Variants in VAPB observed in about 807,000 individuals in gnomAD.
VAPB encodes VAMP associated protein B and C.
A neutral mutation model predicts 25.6 loss-of-function variants in VAPB; 7 were observed. The ratio of observed to expected loss-of-function variants is 0.27; its 90% confidence interval spans 0.16 to 0.51. The LOEUF (loss-of-function observed/expected upper bound fraction) is 0.51. Ranked by LOEUF, VAPB falls within the 20% of genes least tolerant of loss-of-function variation. VAPB has a pLI of 0.97. For synonymous variants in VAPB, 112 were observed against 109.2 expected, an observed-to-expected ratio of 1.03 and a Z score of -0.16; for missense variants, 266 against 301.3, an observed-to-expected ratio of 0.88 and a Z score of 0.87.
chr20:58,390,390 T>G (rs1436364861), intron 1 of VAPB: 1 of 151,980 alleles, frequency 6.6e-6, no homozygotes, highest in Non-Finnish European at 1.5e-5. Flanking sequence ...TTTTTTTTTT[T>G]TTTTTCCTAC....
rs147041050 is a variant in VAPB at position 58,429,833 on chromosome 20, C to T, written c.212-4769C>T. 2.1e-4 allele frequency among the ~76,000 whole-genome samples: 32 copies of T among 152,146 alleles called. No homozygotes were observed. In the East Asian group the frequency reaches 5.8e-3, roughly 28 times the overall value. On this transcript the variant is annotated intron_variant, in intron 2 of 5. Transcript: ENST00000475243. The stretch of plus-strand genomic sequence containing the variant: ...TTGACTTATTTAACTATATTTTTAC[C>T]TCCTGGAGGGCCTGTGAGACCATTT...
chr20:58,418,230 C>A lies in VAPB; in HGVS notation c.78C>A (p.Val26=). ...LKFRGPFTDV[V]TTNLKLGNPT... ...CTACAGGTCCCTTCACCGATGTTGT[C>A]ACCACCAACCTAAAGCTTGGCAACC... Residue 26 remains valine (V), a synonymous_variant, in exon 2 of 6, where the codon GTC becomes GTA. Coordinates refer to ENST00000475243, the MANE Select transcript of VAPB (RefSeq NM_004738.5). 1 of 1,614,162 alleles carries A rather than the reference C, an allele frequency of 6.2e-7. No individual in the cohort carries two copies. Among genetic ancestry groups the A allele is most frequent in the Non-Finnish European group, 8.5e-7 (1 of 1,180,030 alleles).
chr20:58,406,597 C>G (rs1030447600), intron 1 of VAPB, among the ~76,000 whole-genome samples: 1 of 152,270 alleles, frequency 6.6e-6, no homozygotes, highest in South Asian at 2.1e-4. Context: ...TGTTCTTCTC[C>G]CCTGTTCTGT....
chr20:58,437,395 C>A (rs961945530), intron 3 of VAPB, among the ~76,000 whole-genome samples: 4 of 152,016 alleles, frequency 2.6e-5, no homozygotes, highest in African/African-American at 9.7e-5. Flanking sequence ...CAAGAATATT[C>A]CATAGTTGGT....
At chr20:58,408,890 A>ACCCCCCC (rs60297703) in intron 1 of VAPB, among the ~76,000 whole-genome samples, 3 of 91,912 alleles carry the variant, frequency 3.3e-5, no homozygotes, top group Admixed American at 1.3e-4. Flanking sequence ...TAGGACAGAC[A>ACCCCCCC]CCCCCCCCCC....
intron 1 of VAPB, among the ~76,000 whole-genome samples, chr20:58,405,524 G>A (rs908466353): frequency 2.6e-5 from 4 of 151,850 alleles, no homozygotes; most frequent in Non-Finnish European, 4.4e-5. Context: ...GTGTAGTGGC[G>A]CGATCTCGGT....
chr20:58,391,390 AAG>A (rs112321633), intron 1 of VAPB, among the ~76,000 whole-genome samples: 15,445 of 152,088 alleles, frequency 0.1, 943 homozygotes, highest in East Asian at 0.26. Flanking sequence ...CAACTCCTGA[AAG>A]AGGTGTCATT....
rs1467932287 is a variant in VAPB, at chr20:58,450,154, T to C, written c.*5919T>C. On this transcript the variant is annotated 3_prime_UTR_variant, in exon 6 of 6. Coordinates refer to ENST00000475243, the MANE Select transcript of VAPB (RefSeq NM_004738.5). ...AACTGGCTGCCTGCATTCCCGTCTTTCTTTTGTTTTTAAGAAATAGACTGA... is the reference window on the plus strand; with the variant it reads ...AACTGGCTGCCTGCATTCCCGTCTTCCTTTTGTTTTTAAGAAATAGACTGA... The C allele has an allele frequency of 2.2e-6, 1 of 453,966 alleles. No homozygotes were observed. Among genetic ancestry groups the C allele is most frequent in the East Asian group, 6.9e-5 (1 of 14,402 alleles). The allele number at this position is 453,966 out of a possible 1,614,324, so 28.1% of individuals were successfully genotyped here. A position where few individuals can be genotyped will look rare whatever the true frequency, so the allele number is the denominator to read the frequency against.
rs768552709 is a variant in VAPB, at chr20:58,444,451, T to C, written c.*216T>C. The C allele has an allele frequency of 1.4e-5, 10 of 704,572 alleles. No individual in the cohort carries two copies. The African/African-American group carries it at 1.6e-4, about 11-fold the overall frequency. The allele number at this position is 704,572 out of a possible 1,614,324, so 43.6% of individuals were successfully genotyped here. A position where few individuals can be genotyped will look rare whatever the true frequency, so the allele number is the denominator to read the frequency against. The stretch of plus-strand genomic sequence containing the variant: ...AAGTTAAAAATGTATAGTAACTGAT[T>C]GAGGGGGAAAAGAATGATCTTTATT... On this transcript the variant is annotated 3_prime_UTR_variant, in exon 6 of 6. Coordinates refer to ENST00000475243, the MANE Select transcript of VAPB (RefSeq NM_004738.5).
At chr20:58,395,007 C>T (rs959404856) in intron 1 of VAPB, among the ~76,000 whole-genome samples, 5 of 152,142 alleles carry the variant, frequency 3.3e-5, no homozygotes, top group African/African-American at 1.2e-4. Context: ...AACTTTGACC[C>T]TGTGTTATTA....
At chr20:58,423,641 C>T (rs1315862372) in intron 2 of VAPB, among the ~76,000 whole-genome samples, 2 of 152,082 alleles carry the variant, frequency 1.3e-5, no homozygotes, top group East Asian at 1.9e-4. Flanking sequence ...AGGGTATAAA[C>T]GCACAGAGCC....
At chr20:58,392,180 C>T (rs183801426) in intron 1 of VAPB, among the ~76,000 whole-genome samples, 207 of 152,326 alleles carry the variant, frequency 1.4e-3, no homozygotes, top group African/African-American at 4.7e-3. Context: ...GGATGATGCT[C>T]GTGTCCACGT....
chr20:58,391,208 G>A (rs1458630830), intron 1 of VAPB, among the ~76,000 whole-genome samples: 1 of 152,150 alleles, frequency 6.6e-6, no homozygotes, highest in Non-Finnish European at 1.5e-5. Flanking sequence ...CATTTACTGA[G>A]TACCTGATCT....
intron 1 of VAPB, among the ~76,000 whole-genome samples, chr20:58,391,193 A>T (rs551281765): frequency 3.0e-4 from 46 of 152,316 alleles, no homozygotes; most frequent in African/African-American, 1.1e-3. Context: ...CGGTTAGTCC[A>T]CAAACATTTA....
chr20:58,409,442 G>A (rs1357472519), intron 1 of VAPB, among the ~76,000 whole-genome samples: 4 of 152,298 alleles, frequency 2.6e-5, no homozygotes, highest in Non-Finnish European at 4.4e-5. Flanking sequence ...AGAGTCTACT[G>A]TATTGAAACC....
intron 1 of VAPB, among the ~76,000 whole-genome samples, chr20:58,413,672 G>C (rs1988439984): frequency 1.3e-5 from 2 of 151,904 alleles, no homozygotes; most frequent in South Asian, 4.1e-4. Flanking sequence ...ACACCTCCCA[G>C]ACGGGGTGGT....
intron 1 of VAPB, among the ~76,000 whole-genome samples, chr20:58,392,522 A>G (rs1987832086): frequency 6.6e-6 from 1 of 152,180 alleles, no homozygotes; most frequent in Non-Finnish European, 1.5e-5. Context: ...TTTAAACTGA[A>G]TGCTAAGACA....
intron 1 of VAPB, among the ~76,000 whole-genome samples, chr20:58,410,667 C>T (rs80077402): frequency 0.057 from 8,626 of 152,166 alleles, 383 homozygotes; most frequent in Non-Finnish European, 0.084. Flanking sequence ...TCCGCCCCCC[C>T]GCCCCACTCA....
Position 58,448,885 on chromosome 20 carries a change from G to A in VAPB, c.*4650G>A, listed in dbSNP as rs187678663. On this transcript the variant is annotated 3_prime_UTR_variant, in exon 6 of 6. Coordinates refer to ENST00000475243, the MANE Select transcript of VAPB (RefSeq NM_004738.5). The stretch of plus-strand genomic sequence containing the variant: ...AGAAAGAATATTGCCAGTCCGTCTC[G>A]GCAAGGAGATGATGGGAGCGCTTTA... The A allele has an allele frequency of 7.5e-4, 341 of 454,024 alleles. 6 individuals carry two copies. The Admixed American group carries it at 7.8e-3, about 10-fold the overall frequency. 28.1% of individuals were successfully genotyped at this position (454,024 alleles called of 1,614,324 possible). A position where few individuals can be genotyped will look rare whatever the true frequency, so the allele number is the denominator to read the frequency against.
Sources: gnomAD v4.1 joint callset for allele counts (sites outside exome capture counted in the v4.1 genomes callset) on GRCh38, gnomAD v4.1.1 for gene constraint, MANE v1.5 for transcripts, NCBI Gene and HGNC (gene_info 2026-07-23, HGNC 2026-07-21) for gene names.